The following DCLK1 variants were observed in gnomAD, a reference collection of about 807,000 sequenced individuals.
The protein encoded by DCLK1 is doublecortin like kinase 1.
Under a neutral mutation model 86.2 loss-of-function variants are expected in DCLK1, and 16 were observed. The ratio of observed to expected loss-of-function variants is 0.19; its 90% CI spans 0.13 to 0.28. The LOEUF (loss-of-function observed/expected upper bound fraction) is 0.28, where lower values mean the gene tolerates loss of function less well. Among genes scored for constraint, DCLK1 ranks in the 10% least tolerant of loss-of-function variants. The pLI is 1.00. For synonymous variants in DCLK1, 369 were observed against 370.5 expected, an observed-to-expected ratio of 1.00 and a Z score of 0.05; for missense variants, 590 against 940.2, an observed-to-expected ratio of 0.63 and a Z score of 4.87.
intron 3 of DCLK1, among the ~76,000 whole-genome samples, chr13:35,958,218 A>AT (rs1469421925): frequency 1.7e-3 from 263 of 152,296 alleles, no homozygotes; most frequent in African/African-American, 5.6e-3. Context: ...AACCATCACC[A>AT]CCACCACTAT....
chr13:36,039,665 C>CCTT (rs1468971664), intron 3 of DCLK1, among the ~76,000 whole-genome samples: 5 of 151,880 alleles, frequency 3.3e-5, no homozygotes, highest in African/African-American at 1.2e-4. Context: ...AATACACTGC[C>CCTT]CTTCTATCTT....
intron 3 of DCLK1, among the ~76,000 whole-genome samples, chr13:36,077,693 C>A (rs9565839): frequency 0.17 from 26,415 of 152,104 alleles, 2,720 homozygotes; most frequent in East Asian, 0.45. Context: ...TGCAGTAAGA[C>A]CACCACCTCC....
At chr13:35,846,786 A>G (rs1447176716) in intron 6 of DCLK1, 1 of 985,156 alleles carries the variant, frequency 1.0e-6, no homozygotes, top group East Asian at 1.1e-4. Flanking sequence ...AAATGTATGC[A>G]TATATAGTAA....
At chr13:35,851,308 C>T (rs541834795) in intron 6 of DCLK1, among the ~76,000 whole-genome samples, 3 of 152,232 alleles carry the variant, frequency 2.0e-5, no homozygotes, top group Admixed American at 6.5e-5. Context: ...TAACCCACCT[C>T]ACCCCAAATC....
intron 6 of DCLK1, among the ~76,000 whole-genome samples, chr13:35,839,451 G>A (rs1379650256): frequency 6.6e-6 from 1 of 152,112 alleles, no homozygotes. Context: ...CAAAATCGGG[G>A]TCCTTTAGCT....
intron 3 of DCLK1, among the ~76,000 whole-genome samples, chr13:36,014,503 C>G (rs1381090739): frequency 6.6e-6 from 1 of 152,128 alleles, no homozygotes; most frequent in African/African-American, 2.4e-5. Flanking sequence ...TGTCACCTAA[C>G]AACCTGTGAA....
chr13:36,024,075 T>C lies in DCLK1; in HGVS notation c.724-76618A>G, dbSNP rs189361738. Among the ~76,000 whole-genome samples, 400 of 152,016 alleles carry C rather than the reference T, an allele frequency of 2.6e-3. 2 individuals carry two copies. The Middle Eastern group carries it at 0.027, about 10-fold the overall frequency. ...CACGCCTGGCTAATTTTTGTATTTT[T>C]AGTAGAGGCGGGGTTTCACCATGTT... On this transcript the variant is annotated intron_variant, in intron 3 of 16. Transcript: ENST00000360631.
At chr13:35,803,585 G>A (rs2153101497) in intron 15 of DCLK1, among the ~76,000 whole-genome samples, 1 of 152,260 alleles carries the variant, frequency 6.6e-6, no homozygotes, top group East Asian at 1.9e-4. Flanking sequence ...GTAGAATGCT[G>A]GAATCTAGAC....
intron 4 of DCLK1, 124 bp downstream of exon 4, chr13:35,947,234 C>T: frequency 1.7e-6 from 1 of 582,520 alleles, no homozygotes; most frequent in Non-Finnish European, 3.0e-6. Flanking sequence ...ATGGAAAAGA[C>T]ACGCTGGGTG....
At chr13:36,124,122 C>T (rs530236847) in intron 2 of DCLK1, among the ~76,000 whole-genome samples, 1 of 152,160 alleles carries the variant, frequency 6.6e-6, no homozygotes, top group African/African-American at 2.4e-5. Context: ...CATATTTTTC[C>T]CTACAGTACT....
intron 4 of DCLK1, among the ~76,000 whole-genome samples, chr13:35,880,428 C>A (rs1872820560): frequency 6.6e-6 from 1 of 152,166 alleles, no homozygotes; most frequent in Non-Finnish European, 1.5e-5. Context: ...TACCACTTGA[C>A]CCCTACAATG....
intron 4 of DCLK1, among the ~76,000 whole-genome samples, chr13:35,933,704 A>G (rs192091889): frequency 2.6e-5 from 4 of 152,300 alleles, no homozygotes; most frequent in African/African-American, 9.6e-5. Flanking sequence ...CACACAGCTC[A>G]GGGACCCTGG....
Position 35,793,466 on chromosome 13 carries a change from G to A in DCLK1, c.1958C>T (p.Pro653Leu). 1 of 1,602,848 alleles carries A rather than the reference G, an allele frequency of 6.2e-7. No homozygotes were observed. Among genetic ancestry groups the A allele is most frequent in the Non-Finnish European group, 8.5e-7 (1 of 1,174,536 alleles). ...TACTGACAGCTGATGTTCATTTTCT[G>A]GGAGGCCATCATCCTGGAGAAAAAG... ...EHPWVNDDGL[P>L]ENEHQLSVAG... is the part of the protein sequence containing the mutation. The change falls in exon 16 of 17, where the codon CCA becomes CTA. Residue 653 changes from proline to leucine, a missense_variant. Pro to Leu is a moderately conservative substitution (Grantham distance 98). Around this residue, in one of 6 missense-constraint regions of DCLK1, gnomAD observed 146 missense variants for 190.2 expected, o/e 0.77. Transcript: ENST00000360631.
At chr13:36,099,402 C>T (rs1358986428) in intron 3 of DCLK1, among the ~76,000 whole-genome samples, 1 of 152,160 alleles carries the variant, frequency 6.6e-6, no homozygotes, top group Non-Finnish European at 1.5e-5. Flanking sequence ...CAAGGACATC[C>T]TCAAATAAGA....
intron 3 of DCLK1, among the ~76,000 whole-genome samples, chr13:35,974,510 A>C (rs1392132254): frequency 2.0e-5 from 3 of 152,174 alleles, no homozygotes; most frequent in South Asian, 4.1e-4. Flanking sequence ...ATGGTGAGGT[A>C]ATTGGATCTT....
At chr13:36,045,377 T>TA (rs568110221) in intron 3 of DCLK1, among the ~76,000 whole-genome samples, 74 of 124,918 alleles carry the variant, frequency 5.9e-4, no homozygotes, top group South Asian at 1.6e-3. Context: ...TATATATATA[T>TA]TTCAAGGTAA....
At chr13:35,887,080 T>C (rs1873315369) in intron 4 of DCLK1, among the ~76,000 whole-genome samples, 1 of 152,228 alleles carries the variant, frequency 6.6e-6, no homozygotes, top group African/African-American at 2.4e-5. Flanking sequence ...GCGTTGCTTA[T>C]ATTTTTGGCA....
intron 16 of DCLK1, 61 bp from the exon 17 acceptor site, chr13:35,774,760 T>C: frequency 1.3e-6 from 2 of 1,545,094 alleles, no homozygotes; most frequent in Admixed American, 1.9e-5. Flanking sequence ...CAAAACAAAC[T>C]CTTTCTAGAA....
intron 3 of DCLK1, among the ~76,000 whole-genome samples, chr13:36,003,304 CGT>C (rs139849818): frequency 0.36 from 54,990 of 151,262 alleles, 11,122 homozygotes; most frequent in Non-Finnish European, 0.45. Flanking sequence ...CTAGTGCATG[CGT>C]GTGTGTGTGT....
Sources: gnomAD v4.1 joint callset for allele counts (sites outside exome capture counted in the v4.1 genomes callset) on GRCh38, gnomAD v4.1.1 for gene constraint, gnomAD v4.1.1 regional missense constraint, MANE v1.5 for transcripts, NCBI Gene and HGNC (gene_info 2026-07-23, HGNC 2026-07-21) for gene names.